Variants in NBEA observed in about 807,000 individuals in gnomAD.
NBEA encodes the protein lysosomal-trafficking regulator 2.
A neutral mutation model predicts 343.4 loss-of-function variants in NBEA; 44 were observed. The ratio of observed to expected loss-of-function variants is 0.13; its 90% CI spans 0.10 to 0.16. The LOEUF is 0.16. NBEA is among the 10% of genes least tolerant of loss of function. The pLI is 1.00. For synonymous variants in NBEA, 1,175 were observed against 1,238.7 expected, an observed-to-expected ratio of 0.95 and a Z score of 1.08; for missense variants, 2,555 against 3,631.3, an observed-to-expected ratio of 0.70 and a Z score of 7.62.
intron 10 of NBEA, among the ~76,000 whole-genome samples, chr13:35,076,558 A>G (rs1253837945): frequency 1.3e-5 from 2 of 151,974 alleles, no homozygotes. Context: ...AGTTTTCAAC[A>G]CTTAATTTTT....
At chr13:35,421,787 A>G (rs1272020912) in intron 38 of NBEA, among the ~76,000 whole-genome samples, 1 of 152,120 alleles carries the variant, frequency 6.6e-6, no homozygotes, top group Non-Finnish European at 1.5e-5. Flanking sequence ...CACTGGCTAT[A>G]GGATTTGGGG....
At chr13:35,334,930 T>A (rs906430138) in intron 36 of NBEA, among the ~76,000 whole-genome samples, 6 of 152,180 alleles carry the variant, frequency 3.9e-5, no homozygotes, top group Non-Finnish European at 7.4e-5. Flanking sequence ...ATCATTGGCC[T>A]GACCAGTATC....
chr13:35,027,729 G>A (rs1395600347), intron 1 of NBEA, among the ~76,000 whole-genome samples: 1 of 151,734 alleles, frequency 6.6e-6, no homozygotes, highest in East Asian at 1.9e-4. Context: ...CCTGCTTTTG[G>A]GGTCATGTCT....
intron 48 of NBEA, among the ~76,000 whole-genome samples, chr13:35,619,877 A>T (rs1297100855): frequency 6.6e-6 from 1 of 152,196 alleles, no homozygotes; most frequent in African/African-American, 2.4e-5. Flanking sequence ...TGAGCAAAGC[A>T]TTATGGAAAA....
chr13:35,448,765 G>A (rs980390627), intron 39 of NBEA, among the ~76,000 whole-genome samples: 2 of 150,192 alleles, frequency 1.3e-5, no homozygotes, highest in African/African-American at 4.8e-5. Flanking sequence ...AAGGGAATGG[G>A]GTGGTGGGGT....
At chr13:35,376,669 T>TAGG (rs1175651979) in intron 38 of NBEA, among the ~76,000 whole-genome samples, 1 of 152,072 alleles carries the variant, frequency 6.6e-6, no homozygotes, top group Non-Finnish European at 1.5e-5. Context: ...GTGAAACTGA[T>TAGG]AGGAGGAGGA....
chr13:35,137,472 T>A (rs2067806623), intron 17 of NBEA, among the ~76,000 whole-genome samples: 1 of 151,726 alleles, frequency 6.6e-6, no homozygotes, highest in African/African-American at 2.4e-5. Context: ...AAGCCCTTCA[T>A]GTGGTAAAGA....
At chr13:35,559,996 A>G (rs150542087) in intron 44 of NBEA, among the ~76,000 whole-genome samples, 11 of 152,288 alleles carry the variant, frequency 7.2e-5, no homozygotes, top group African/African-American at 2.6e-4. Flanking sequence ...AATAGTAAAT[A>G]ATAGTTTATG....
chr13:34,970,998 A>G (rs780753004), intron 1 of NBEA, among the ~76,000 whole-genome samples: 46 of 152,220 alleles, frequency 3.0e-4, no homozygotes, highest in South Asian at 1.2e-3. Flanking sequence ...GATTTTTCCT[A>G]TCTATGAGTG....
At chr13:35,250,435 T>G (rs2031816485) in intron 34 of NBEA, among the ~76,000 whole-genome samples, 1 of 152,082 alleles carries the variant, frequency 6.6e-6, no homozygotes, top group African/African-American at 2.4e-5. Flanking sequence ...TAAAAAAAAG[T>G]CAACCTCATT....
intron 10 of NBEA, among the ~76,000 whole-genome samples, chr13:35,076,750 T>G (rs2064138259): frequency 6.6e-6 from 1 of 152,096 alleles, no homozygotes; most frequent in Non-Finnish European, 1.5e-5. Context: ...CTTAATTTTC[T>G]TCTAGTTTGC....
chr13:35,428,488 CTGT>C (rs2044864558), intron 38 of NBEA, among the ~76,000 whole-genome samples: 1 of 152,200 alleles, frequency 6.6e-6, no homozygotes, highest in South Asian at 2.1e-4. Context: ...TCTGTTCCTT[CTGT>C]TCTGCTGTTG....
intron 1 of NBEA, among the ~76,000 whole-genome samples, chr13:35,015,760 TTTATA>T (rs1469780892): frequency 2.0e-5 from 3 of 152,092 alleles, no homozygotes; most frequent in Non-Finnish European, 4.4e-5. Flanking sequence ...ACAATAACTT[TTTATA>T]TTATGAGTTA....
chr13:35,649,651 A>G lies in NBEA; in HGVS notation c.7771-4A>G. 1 of 1,608,960 alleles carries G rather than the reference A, an allele frequency of 6.2e-7. No homozygotes were observed. The highest frequency in any genetic ancestry group is 1.1e-5 in the South Asian group (1 of 90,938). On this transcript the variant is annotated splice_polypyrimidine_tract_variant and splice_region_variant and intron_variant, in intron 51 of 58. Coordinates refer to ENST00000379939, the MANE Select transcript of NBEA (RefSeq NM_001385012.1). ...CTCTGTTCTCTTCCCTTTCTATTCA[A>G]CAGTGTTTCCTTCCACAGAGTCCGC... is the stretch of plus-strand genomic sequence containing the variant.
chr13:35,396,411 T>TTA (rs1283958794), intron 38 of NBEA, among the ~76,000 whole-genome samples: 2 of 152,154 alleles, frequency 1.3e-5, no homozygotes, highest in Non-Finnish European at 2.9e-5. Context: ...TCATTTTAAT[T>TTA]TATATATTAC....
At chr13:35,034,215 T>A (rs1255528188) in intron 1 of NBEA, among the ~76,000 whole-genome samples, 1 of 151,910 alleles carries the variant, frequency 6.6e-6, no homozygotes, top group Non-Finnish European at 1.5e-5. Context: ...AGAGTTTTTA[T>A]CATGAAGGGA....
rs1478460075 is a variant in NBEA, at chr13:35,445,836, T to C, written c.6305-6256T>C. Among the ~76,000 whole-genome samples the C allele has an allele frequency of 1.5e-3, 212 of 137,712 alleles. 1 individual carries two copies. Among genetic ancestry groups the C allele is most frequent in the Non-Finnish European group, 2.9e-3 (186 of 64,776 alleles). 90.3% of individuals were successfully genotyped at this position (137,712 alleles called of 152,430 possible). A position where few individuals can be genotyped will look rare whatever the true frequency, so the allele number is the denominator to read the frequency against. On this transcript the variant is annotated intron_variant, in intron 39 of 58. Transcript: ENST00000379939. ...TATATATGTATATATATATATTATATTTGAAGTTCTAGGGTACATGTGCAC... is the reference window on the plus strand; with the variant it reads ...TATATATGTATATATATATATTATACTTGAAGTTCTAGGGTACATGTGCAC...
At chr13:35,417,474 T>G (rs2043991437) in intron 38 of NBEA, among the ~76,000 whole-genome samples, 1 of 152,196 alleles carries the variant, frequency 6.6e-6, no homozygotes, top group African/African-American at 2.4e-5. Flanking sequence ...TCTTTGTTTC[T>G]GCCTTCATTT....
At chr13:35,455,260 T>A (rs1045207348) in intron 40 of NBEA, among the ~76,000 whole-genome samples, 8 of 152,096 alleles carry the variant, frequency 5.3e-5, no homozygotes, top group Non-Finnish European at 1.0e-4. Flanking sequence ...TGCAGTATAA[T>A]TTGCCAATAT....
Sources: allele counts gnomAD v4.1 joint callset (sites outside exome capture counted in the v4.1 genomes callset), GRCh38; gene constraint gnomAD v4.1.1; transcripts MANE v1.5; gene names NCBI Gene and HGNC (gene_info 2026-07-23, HGNC 2026-07-21).